Variants in LRBA observed in about 807,000 individuals in gnomAD.
LRBA encodes the protein LPS responsive beige-like anchor protein.
LRBA carries 176 observed loss-of-function variants against 330.0 expected under a neutral mutation model. The ratio of observed to expected loss-of-function variants is 0.53; its 90% confidence interval spans 0.47 to 0.60. The LOEUF (loss-of-function observed/expected upper bound fraction) is 0.60. Ranked by LOEUF, LRBA falls within the 20% of genes least tolerant of loss-of-function variation. LRBA has a pLI of 0.00. For missense variants in LRBA, 3,259 were observed against 3,444.8 expected (o/e 0.95, Z 1.35); for synonymous variants, 1,230 against 1,193.0 (o/e 1.03, Z -0.64).
intron 34 of LRBA, among the ~76,000 whole-genome samples, chr4:150,780,718 A>G (rs1179658643): frequency 3.9e-5 from 4 of 102,964 alleles, no homozygotes; most frequent in Non-Finnish European, 4.4e-5. Flanking sequence ...CCTAATACAT[A>G]TTATGCATAA....
chr4:150,729,391 T>C (rs1730139668), intron 36 of LRBA, among the ~76,000 whole-genome samples: 3 of 152,036 alleles, frequency 2.0e-5, no homozygotes, highest in African/African-American at 4.8e-5. Flanking sequence ...AGTAATCCCA[T>C]TTACAATAGA....
intron 33 of LRBA, among the ~76,000 whole-genome samples, chr4:150,802,677 T>C (rs1023638366): frequency 6.6e-6 from 1 of 152,114 alleles, no homozygotes; most frequent in Non-Finnish European, 1.5e-5. Context: ...TGATGTAATA[T>C]GAAATATTAC....
At chr4:150,744,299 T>A (rs941640045) in intron 35 of LRBA, among the ~76,000 whole-genome samples, 1 of 152,184 alleles carries the variant, frequency 6.6e-6, no homozygotes, top group Non-Finnish European at 1.5e-5. Context: ...TTTCAAACAT[T>A]AATTGAATTG....
At chr4:150,434,115 A>G (rs1750781830) in intron 46 of LRBA, among the ~76,000 whole-genome samples, 2 of 152,114 alleles carry the variant, frequency 1.3e-5, no homozygotes, top group Non-Finnish European at 2.9e-5. Context: ...TTGGACTCCA[A>G]TATTTCTCAT....
chr4:150,468,051 C>T (rs1028385362), intron 43 of LRBA, among the ~76,000 whole-genome samples: 3 of 151,990 alleles, frequency 2.0e-5, no homozygotes, highest in Non-Finnish European at 2.9e-5. Flanking sequence ...TATTGAAATC[C>T]AGATTTTCTG....
chr4:151,003,531 T>C (rs1054689816), intron 2 of LRBA, among the ~76,000 whole-genome samples: 14 of 151,840 alleles, frequency 9.2e-5, no homozygotes, highest in Admixed American at 6.6e-5. Context: ...ACGTCTATCA[T>C]AAAAGAAAAC....
chr4:150,757,942 C>T (rs1408251812), intron 35 of LRBA, among the ~76,000 whole-genome samples: 2 of 152,016 alleles, frequency 1.3e-5, no homozygotes, highest in African/African-American at 4.8e-5. Flanking sequence ...AAAATCTCAA[C>T]AGAATAAGAA....
rs397692426 is a variant in LRBA, at chr4:150,645,215, T to TC, written c.5921+38335dup. ...GGGCATAGACTGATTTTTTTTTTTT[T>TC]CTGAGAAAAAAATAACTACTATTAT... On this transcript the variant is annotated intron_variant, in intron 37 of 56. Coordinates refer to ENST00000651943, the MANE Select transcript of LRBA (RefSeq NM_001364905.1). Among the ~76,000 whole-genome samples the TC allele has an allele frequency of 4.0e-5, 6 of 151,084 alleles. No individual in the cohort carries two copies. The South Asian group carries it at 1.2e-3, about 31-fold the overall frequency.
chr4:150,607,891 C>T (rs1359902608), intron 37 of LRBA, among the ~76,000 whole-genome samples: 3 of 152,082 alleles, frequency 2.0e-5, no homozygotes, highest in Non-Finnish European at 4.4e-5. Flanking sequence ...AAAAATTATC[C>T]AGGCATGGTG....
intron 48 of LRBA, among the ~76,000 whole-genome samples, chr4:150,346,659 T>C (rs955019317): frequency 7.0e-6 from 1 of 143,790 alleles, no homozygotes; most frequent in African/African-American, 2.6e-5. Flanking sequence ...TCCAGGAGAC[T>C]GAGGCAGGAA....
chr4:150,649,515 T>A (rs1779513812), intron 37 of LRBA, among the ~76,000 whole-genome samples: 1 of 152,210 alleles, frequency 6.6e-6, no homozygotes, highest in Non-Finnish European at 1.5e-5. Flanking sequence ...CACTTTGATC[T>A]ATAACTCCTA....
chr4:150,417,541 G>T (rs145596219), intron 46 of LRBA, among the ~76,000 whole-genome samples: 1 of 151,980 alleles, frequency 6.6e-6, no homozygotes, highest in Admixed American at 6.6e-5. Context: ...AGTAATACCC[G>T]CTGCCCACTT....
At chr4:150,590,508 G>A (rs1482161782) in intron 39 of LRBA, among the ~76,000 whole-genome samples, 1 of 151,666 alleles carries the variant, frequency 6.6e-6, no homozygotes, top group African/African-American at 2.4e-5. Flanking sequence ...ATTCACAAAA[G>A]AAAAAAATGA....
intron 38 of LRBA, among the ~76,000 whole-genome samples, chr4:150,595,131 C>T (rs565743956): frequency 3.3e-5 from 5 of 152,042 alleles, no homozygotes; most frequent in South Asian, 2.1e-4. Context: ...CTGAACAGGA[C>T]ACATAAAGAA....
chr4:150,405,596 A>G (rs1561129022), intron 47 of LRBA, among the ~76,000 whole-genome samples: 1 of 152,192 alleles, frequency 6.6e-6, no homozygotes, highest in East Asian at 1.9e-4. Context: ...ATAAAAGATC[A>G]TATAACACAA....
intron 44 of LRBA, among the ~76,000 whole-genome samples, chr4:150,445,367 CTCTCTCTCTCTATATATATA>C (rs1348627860): frequency 1.2e-5 from 1 of 83,584 alleles, no homozygotes; most frequent in Non-Finnish European, 2.5e-5. Context: ...CTCTCTCTCT[CTCTCTCTCTCTATATATATA>C]TATATATATA....
intron 34 of LRBA, among the ~76,000 whole-genome samples, chr4:150,762,725 A>G (rs1190084085): frequency 6.6e-6 from 1 of 151,912 alleles, no homozygotes; most frequent in Non-Finnish European, 1.5e-5. Context: ...TTAATATTTA[A>G]GGAGCTCTTT....
chr4:150,919,659 A>G (rs998167561), intron 5 of LRBA, among the ~76,000 whole-genome samples: 20 of 152,230 alleles, frequency 1.3e-4, no homozygotes, highest in Admixed American at 3.9e-4. Flanking sequence ...GGAGAAAAAC[A>G]TATATTCAGT....
At chr4:150,272,581 A>G (rs1368214309) in intron 56 of LRBA, among the ~76,000 whole-genome samples, 2 of 151,992 alleles carry the variant, frequency 1.3e-5, no homozygotes, top group Non-Finnish European at 2.9e-5. Context: ...AAGTTAGACG[A>G]ATTGCTAACT....
Sources: gnomAD v4.1 joint callset for allele counts (sites outside exome capture counted in the v4.1 genomes callset) on GRCh38, gnomAD v4.1.1 for gene constraint, MANE v1.5 for transcripts, NCBI Gene and HGNC (gene_info 2026-07-23, HGNC 2026-07-21) for gene names.